CTNNA2: variants seen among roughly 807,000 people sequenced by gnomAD.
CTNNA2 encodes catenin alpha-2.
Under a neutral mutation model 101.0 loss-of-function variants are expected in CTNNA2, and 42 were observed. The ratio of observed to expected loss-of-function variants is 0.42; its 90% CI spans 0.32 to 0.54. The LOEUF is 0.54. CTNNA2 is among the 20% of genes least tolerant of loss of function. The pLI, the probability that CTNNA2 is intolerant of heterozygous loss-of-function variation, is 0.14. For missense variants in CTNNA2, 871 were observed against 1,223.1 expected, an observed-to-expected ratio of 0.71 and a Z score of 4.29; for synonymous variants, 450 against 456.4, an observed-to-expected ratio of 0.99 and a Z score of 0.18.
chr2:79,558,723 A>G (rs1486338752), intron 1 of CTNNA2, among the ~76,000 whole-genome samples: 2 of 151,966 alleles, frequency 1.3e-5, no homozygotes, highest in Non-Finnish European at 2.9e-5. Context: ...TAAAGTAAGT[A>G]TGAGCCCAAA....
intron 14 of CTNNA2, among the ~76,000 whole-genome samples, chr2:80,584,884 G>A (rs145217028): frequency 2.0e-5 from 3 of 152,196 alleles, no homozygotes; most frequent in African/African-American, 7.2e-5. Context: ...TAAAAGAGTT[G>A]GATCATTCAG....
Position 79,548,925 on chromosome 2 carries a change from T to C in CTNNA2, c.-6+35718T>C, listed in dbSNP as rs192216092. On this transcript the variant is annotated intron_variant, in intron 1 of 18. Transcript: ENST00000402739. The stretch of plus-strand genomic sequence containing the variant: ...GTACCCAACTCCCAATCCCAGGCAC[T>C]TGAGCTGACCCCTGTCTGATGCTGC... 1.3e-4 allele frequency among the ~76,000 whole-genome samples: 20 copies of C among 152,306 alleles called. No homozygotes were observed. The East Asian group carries it at 3.9e-3, about 29-fold the overall frequency.
At position 79,517,681 on chromosome 2, in the gene CTNNA2, T is replaced by G. The variant is rs569989737; in HGVS notation, c.-6+4474T>G. ...TTTTATTTTCCTTATAAGTGAATTT[T>G]TACCTCAGAGCTGAATTCTAACTCA... On this transcript the variant is annotated intron_variant, in intron 1 of 18. Transcript: ENST00000402739. 5.9e-5 allele frequency among the ~76,000 whole-genome samples: 9 copies of G among 152,314 alleles called. No homozygotes were observed. In the South Asian group the frequency reaches 1.9e-3, roughly 32 times the overall value.
intron 9 of CTNNA2, among the ~76,000 whole-genome samples, chr2:80,441,156 T>C (rs1364916736): frequency 6.6e-6 from 1 of 152,180 alleles, no homozygotes; most frequent in Non-Finnish European, 1.5e-5. Context: ...AAATCCTACA[T>C]GGTGGGTGGA....
intron 7 of CTNNA2, among the ~76,000 whole-genome samples, chr2:80,212,861 T>C (rs1392084009): frequency 6.6e-6 from 1 of 152,210 alleles, no homozygotes; most frequent in East Asian, 1.9e-4. Flanking sequence ...TTTTGGTTGG[T>C]AGGCTATTAA....
At chr2:80,581,270 G>A (rs1253876115) in intron 13 of CTNNA2, among the ~76,000 whole-genome samples, 3 of 152,104 alleles carry the variant, frequency 2.0e-5, no homozygotes, top group Non-Finnish European at 4.4e-5. Flanking sequence ...ATGGCTTTGT[G>A]ACCAAATCAG....
At chr2:80,103,464 A>T (rs1340268319) in intron 7 of CTNNA2, among the ~76,000 whole-genome samples, 3 of 152,144 alleles carry the variant, frequency 2.0e-5, no homozygotes, top group Non-Finnish European at 4.4e-5. Flanking sequence ...AAATGCAGGC[A>T]TATTGGAGGT....
At chr2:80,248,155 A>G (rs776390461) in intron 7 of CTNNA2, among the ~76,000 whole-genome samples, 1 of 151,996 alleles carries the variant, frequency 6.6e-6, no homozygotes, top group African/African-American at 2.4e-5. Context: ...TTTATTATTT[A>G]AGAAACTCTC....
At chr2:79,430,578 C>T (rs1678649372) in intron 4 of CTNNA2, among the ~76,000 whole-genome samples, 1 of 152,160 alleles carries the variant, frequency 6.6e-6, no homozygotes, top group African/African-American at 2.4e-5. Flanking sequence ...ATACTGAGTG[C>T]CAACCATAAG....
intron 2 of CTNNA2, among the ~76,000 whole-genome samples, chr2:79,304,517 T>C (rs1434483368): frequency 6.6e-6 from 1 of 152,102 alleles, no homozygotes; most frequent in Non-Finnish European, 1.5e-5. Context: ...AAGTCACTTG[T>C]CAGACAAATA....
chr2:79,594,605 T>G (rs769186223), intron 1 of CTNNA2, among the ~76,000 whole-genome samples: 2 of 152,206 alleles, frequency 1.3e-5, no homozygotes, highest in Non-Finnish European at 2.9e-5. Flanking sequence ...TCCGTTTTGA[T>G]CCTTCATATC....
chr2:79,840,928 C>CG (rs1422635139), intron 3 of CTNNA2, among the ~76,000 whole-genome samples: 3 of 152,142 alleles, frequency 2.0e-5, no homozygotes, highest in African/African-American at 7.2e-5. Flanking sequence ...CGCCACGGCA[C>CG]CCGGCTAATT....
At chr2:80,527,370 A>G (rs986941592) in intron 9 of CTNNA2, among the ~76,000 whole-genome samples, 2 of 152,168 alleles carry the variant, frequency 1.3e-5, no homozygotes, top group African/African-American at 4.8e-5. Flanking sequence ...AGCCACCAGA[A>G]GGGCTAAAAA....
At chr2:79,280,657 A>AGAGAGAGAGAGAGAG (rs1334847406) in intron 2 of CTNNA2, among the ~76,000 whole-genome samples, 24 of 50,228 alleles carry the variant, frequency 4.8e-4, no homozygotes, top group Admixed American at 1.5e-3. Context: ...GTGTGTGTGT[A>AGAGAGAGAGAGAGAG]AGAGAAAGAG....
intron 9 of CTNNA2, among the ~76,000 whole-genome samples, chr2:80,540,336 C>T (rs1007801466): frequency 1.3e-5 from 2 of 152,128 alleles, no homozygotes; most frequent in East Asian, 1.9e-4. Flanking sequence ...GTGGCTCATG[C>T]CTGTAATCCT....
chr2:79,388,582 G>C (rs1360507732), intron 4 of CTNNA2, among the ~76,000 whole-genome samples: 1 of 152,032 alleles, frequency 6.6e-6, no homozygotes, highest in Non-Finnish European at 1.5e-5. Context: ...GTGTAGGCTG[G>C]TTGCACAATA....
chr2:79,684,725 A>T (rs4852509), intron 2 of CTNNA2, among the ~76,000 whole-genome samples: 71,284 of 151,856 alleles, frequency 0.47, 17,226 homozygotes, highest in Non-Finnish European at 0.53. Flanking sequence ...GGGAGTTTGG[A>T]CCATTGTTCA....
chr2:79,614,515 A>T (rs1678493173), intron 1 of CTNNA2, among the ~76,000 whole-genome samples: 1 of 152,184 alleles, frequency 6.6e-6, no homozygotes, highest in Admixed American at 6.6e-5. Context: ...GATAAGAATT[A>T]TGAAAATGAA....
At chr2:79,362,478 G>T (rs939184499) in intron 3 of CTNNA2, among the ~76,000 whole-genome samples, 4 of 152,052 alleles carry the variant, frequency 2.6e-5, no homozygotes, top group Non-Finnish European at 5.9e-5. Context: ...GGACCAAGGG[G>T]CTACACTGGT....
Sources: allele counts gnomAD v4.1 joint callset (sites outside exome capture counted in the v4.1 genomes callset), GRCh38; gene constraint gnomAD v4.1.1; transcripts MANE v1.5; gene names NCBI Gene and HGNC (gene_info 2026-07-23, HGNC 2026-07-21).